Variants in HPSE2 observed in about 807,000 individuals in gnomAD.
HPSE2 encodes the protein inactive heparanase-2.
HPSE2 carries 38 observed loss-of-function variants against 60.5 expected under a neutral mutation model. That is an observed-to-expected ratio of 0.63 (90% CI 0.48 to 0.82). The LOEUF (loss-of-function observed/expected upper bound fraction) is 0.82. Among genes scored for constraint, HPSE2 ranks in the 40% least tolerant of loss-of-function variants. The pLI is 0.00. For missense variants in HPSE2, 713 were observed against 740.4 expected, an observed-to-expected ratio of 0.96 and a Z score of 0.43; for synonymous variants, 295 against 293.2, an observed-to-expected ratio of 1.01 and a Z score of -0.06.
chr10:98,955,795 T>C (rs978964828), intron 3 of HPSE2, among the ~76,000 whole-genome samples: 5 of 152,226 alleles, frequency 3.3e-5, no homozygotes, highest in Non-Finnish European at 7.3e-5. Context: ...AATGAGATTA[T>C]GTCCTTTGCA....
chr10:98,810,411 T>C (rs1951143548), intron 3 of HPSE2, among the ~76,000 whole-genome samples: 1 of 152,168 alleles, frequency 6.6e-6, no homozygotes, highest in Non-Finnish European at 1.5e-5. Context: ...AACACATTCT[T>C]GAAGGTTTAG....
intron 4 of HPSE2, among the ~76,000 whole-genome samples, chr10:98,729,439 T>A (rs1227722400): frequency 6.6e-6 from 1 of 151,852 alleles, no homozygotes; most frequent in Non-Finnish European, 1.5e-5. Flanking sequence ...GAAACCCCAT[T>A]TCTGCTAAAA....
intron 8 of HPSE2, among the ~76,000 whole-genome samples, chr10:98,617,476 A>C (rs1260365799): frequency 1.3e-5 from 2 of 152,252 alleles, no homozygotes; most frequent in East Asian, 3.8e-4. Context: ...GATATTTAAG[A>C]AATTAAGAAT....
intron 6 of HPSE2, among the ~76,000 whole-genome samples, chr10:98,644,925 C>G (rs574933424): frequency 2.0e-5 from 3 of 151,960 alleles, no homozygotes; most frequent in Non-Finnish European, 4.4e-5. Flanking sequence ...TGGATTGGAG[C>G]GGGAGGAGAT....
intron 3 of HPSE2, among the ~76,000 whole-genome samples, chr10:99,123,728 A>G (rs547218627): frequency 4.6e-5 from 7 of 152,296 alleles, no homozygotes; most frequent in African/African-American, 1.4e-4. Context: ...TCCTTTCTAC[A>G]GGCAGGTGGT....
chr10:98,551,320 G>A (rs1394898216), intron 9 of HPSE2, among the ~76,000 whole-genome samples: 2 of 152,144 alleles, frequency 1.3e-5, no homozygotes, highest in Non-Finnish European at 2.9e-5. Flanking sequence ...AGATGAAGGG[G>A]AATGAAGACG....
intron 3 of HPSE2, among the ~76,000 whole-genome samples, chr10:99,004,297 T>C (rs1389591186): frequency 8.2e-6 from 1 of 121,528 alleles, no homozygotes; most frequent in East Asian, 2.7e-4. Context: ...TATTGTTTTC[T>C]TGTTTTGTTT....
intron 3 of HPSE2, among the ~76,000 whole-genome samples, chr10:98,756,877 A>G (rs1386474500): frequency 3.9e-5 from 6 of 152,302 alleles, no homozygotes; most frequent in East Asian, 1.9e-4. Flanking sequence ...GGAAACAAAA[A>G]AAGGAAACTT....
At chr10:98,924,378 T>C (rs1035965539) in intron 3 of HPSE2, 2 of 152,292 alleles carry the variant, frequency 1.3e-5, no homozygotes, top group Non-Finnish European at 2.9e-5. Context: ...TAGTGAGTTC[T>C]TGTAGGCTCC....
intron 3 of HPSE2, among the ~76,000 whole-genome samples, chr10:98,986,363 G>A (rs1450302629): frequency 6.6e-6 from 1 of 151,622 alleles, no homozygotes; most frequent in Non-Finnish European, 1.5e-5. Context: ...CAACTACATG[G>A]AAACTGAACA....
chr10:98,673,446 T>G (rs1179703294), intron 6 of HPSE2, among the ~76,000 whole-genome samples: 1 of 152,204 alleles, frequency 6.6e-6, no homozygotes, highest in East Asian at 1.9e-4. Context: ...TTTCCCCATT[T>G]GCTCTTGTCT....
At chr10:99,210,522 C>G (rs771504352) in intron 2 of HPSE2, among the ~76,000 whole-genome samples, 2 of 152,116 alleles carry the variant, frequency 1.3e-5, no homozygotes, top group Non-Finnish European at 2.9e-5. Context: ...AATTCCTCAA[C>G]AAAATGCTAA....
chr10:98,664,879 A>G (rs1375326743), intron 6 of HPSE2, among the ~76,000 whole-genome samples: 1 of 152,194 alleles, frequency 6.6e-6, no homozygotes, highest in Non-Finnish European at 1.5e-5. Context: ...GGCAATTCAA[A>G]AAGCCAGAGT....
chr10:99,015,559 A>G (rs1317454716), intron 3 of HPSE2, among the ~76,000 whole-genome samples: 1 of 152,106 alleles, frequency 6.6e-6, no homozygotes, highest in African/African-American at 2.4e-5. Context: ...TCAGCAAACT[A>G]TCACAAGGAC....
rs146963433 is a variant in HPSE2 at position 98,628,622 on chromosome 10, T to C, written c.1099-7914A>G. ...TTTCAGCTGTTCTTCTGTTCCCAAA[T>C]AGACTTCAATCCTTGGGTGCATGTG... On this transcript the variant is annotated intron_variant, in intron 7 of 11. Transcript: ENST00000370552. 1.4e-3 allele frequency among the ~76,000 whole-genome samples: 208 copies of C among 152,270 alleles called. 2 individuals carry two copies. The highest frequency in any genetic ancestry group is 4.7e-3 in the African/African-American group (197 of 41,552).
chr10:98,799,725 T>TG (rs1197163485), intron 3 of HPSE2, among the ~76,000 whole-genome samples: 2 of 151,688 alleles, frequency 1.3e-5, no homozygotes, highest in African/African-American at 4.8e-5. Context: ...CAAAATTTCT[T>TG]GAAAAAAAAG....
chr10:98,515,652 T>A (rs1942578126), intron 9 of HPSE2, among the ~76,000 whole-genome samples: 1 of 152,154 alleles, frequency 6.6e-6, no homozygotes, highest in Non-Finnish European at 1.5e-5. Flanking sequence ...GGTAGCAGGA[T>A]TACAGAGCAT....
intron 3 of HPSE2, among the ~76,000 whole-genome samples, chr10:98,791,116 A>G (rs1488262918): frequency 6.6e-6 from 1 of 152,192 alleles, no homozygotes; most frequent in Non-Finnish European, 1.5e-5. Context: ...AGACTATCTT[A>G]TGTTTCACAA....
At chr10:99,311,238 A>G in the HPSE2 span, among the ~76,000 whole-genome samples, 1 of 152,248 alleles carries the variant, frequency 6.6e-6, no homozygotes, top group Non-Finnish European at 1.5e-5. Context: ...AAATGTATAT[A>G]GATACTGAAC....
Sources: gnomAD v4.1 joint callset for allele counts (sites outside exome capture counted in the v4.1 genomes callset) on GRCh38, gnomAD v4.1.1 for gene constraint, MANE v1.5 for transcripts, NCBI Gene and HGNC (gene_info 2026-07-23, HGNC 2026-07-21) for gene names.